Variants in VAV3 observed in about 807,000 individuals in gnomAD.
The protein encoded by VAV3 is guanine nucleotide exchange factor VAV3.
A neutral mutation model predicts 131.2 loss-of-function variants in VAV3; 94 were observed. That is an observed-to-expected ratio of 0.72 (90% CI 0.61 to 0.85). VAV3 has a LOEUF of 0.85. VAV3 is among the 40% of genes least tolerant of loss of function. The pLI is 0.00. For missense variants in VAV3, 939 were observed against 1,002.7 expected (o/e 0.94, Z 0.86); for synonymous variants, 349 against 342.0 (o/e 1.02, Z -0.22).
chr1:107,891,243 T>G (rs1671297974), intron 1 of VAV3, among the ~76,000 whole-genome samples: 1 of 152,210 alleles, frequency 6.6e-6, no homozygotes, highest in Non-Finnish European at 1.5e-5. Context: ...CGCCATTACA[T>G]TTCTGTGTCA....
intron 2 of VAV3, among the ~76,000 whole-genome samples, chr1:107,807,426 G>C (rs760133103): frequency 2.0e-5 from 3 of 152,132 alleles, no homozygotes; most frequent in Non-Finnish European, 4.4e-5. Flanking sequence ...ATTGGAAACA[G>C]GACTTTTAGA....
chr1:107,911,215 G>C (rs1252503232), intron 1 of VAV3, among the ~76,000 whole-genome samples: 2 of 152,068 alleles, frequency 1.3e-5, no homozygotes, highest in Admixed American at 1.3e-4. Flanking sequence ...AAAATACAAA[G>C]AAGCATAAAT....
At chr1:107,922,998 A>G (rs1672984927) in intron 1 of VAV3, among the ~76,000 whole-genome samples, 1 of 151,112 alleles carries the variant, frequency 6.6e-6, no homozygotes, top group Admixed American at 6.6e-5. Context: ...TTGATGAGTT[A>G]TCTCAGGTGT....
At chr1:107,859,781 A>T (rs1243841840) in intron 2 of VAV3, among the ~76,000 whole-genome samples, 1 of 152,224 alleles carries the variant, frequency 6.6e-6, no homozygotes, top group Non-Finnish European at 1.5e-5. Flanking sequence ...TCTTAGACTC[A>T]TGAAGACATG....
intron 1 of VAV3, among the ~76,000 whole-genome samples, chr1:107,887,824 A>C (rs1464303723): frequency 6.6e-6 from 1 of 152,058 alleles, no homozygotes; most frequent in Non-Finnish European, 1.5e-5. Flanking sequence ...CCTTACCCAA[A>C]CTAAATACAT....
intron 15 of VAV3, among the ~76,000 whole-genome samples, chr1:107,715,789 G>T (rs542463924): frequency 6.6e-6 from 1 of 152,136 alleles, no homozygotes; most frequent in Non-Finnish European, 1.5e-5. Flanking sequence ...AGAGAATTTG[G>T]ATTTTCTCAT....
intron 4 of VAV3, among the ~76,000 whole-genome samples, chr1:107,774,869 C>T (rs979983139): frequency 2.0e-5 from 3 of 151,310 alleles, no homozygotes; most frequent in Non-Finnish European, 2.9e-5. Context: ...ATCAAGCTGT[C>T]ACAGCAAACT....
chr1:107,933,814 C>CAAAA (rs11383512), intron 1 of VAV3, among the ~76,000 whole-genome samples: 51 of 119,150 alleles, frequency 4.3e-4, no homozygotes, highest in Non-Finnish European at 5.0e-4. Flanking sequence ...AGACCCTTCT[C>CAAAA]AAAAAAAAAA....
chr1:107,888,237 C>T (rs1671133750), intron 1 of VAV3, among the ~76,000 whole-genome samples: 1 of 152,126 alleles, frequency 6.6e-6, no homozygotes, highest in East Asian at 1.9e-4. Context: ...TGCAACATTC[C>T]CCACAAGTGA....
In VAV3 at chr1:107,955,697, C is replaced by G. The variant is rs1199602951; in HGVS notation, c.204+8969G>C. 2.7e-5 allele frequency among the ~76,000 whole-genome samples: 4 copies of G among 150,808 alleles called. No individual in the cohort carries two copies. The East Asian group carries it at 7.9e-4, about 30-fold the overall frequency. Reference sequence around the variant, plus strand: ...CAAGCAGACAAAAAGGTATATGCAACAGCACAGAGACATTTAACAGCATAG... The same window carrying G: ...CAAGCAGACAAAAAGGTATATGCAAGAGCACAGAGACATTTAACAGCATAG... On this transcript the variant is annotated intron_variant, in intron 1 of 26. Coordinates refer to ENST00000370056, the MANE Select transcript of VAV3 (RefSeq NM_006113.5).
intron 1 of VAV3, among the ~76,000 whole-genome samples, chr1:107,952,231 T>C (rs993474550): frequency 1.3e-5 from 2 of 151,858 alleles, no homozygotes; most frequent in Non-Finnish European, 2.9e-5. Context: ...ATGCCACATG[T>C]TCTCACTTAT....
intron 2 of VAV3, among the ~76,000 whole-genome samples, chr1:107,824,310 A>G (rs1251871086): frequency 6.6e-6 from 1 of 152,224 alleles, no homozygotes; most frequent in African/African-American, 2.4e-5. Context: ...AAATGAGAAT[A>G]AGGTGATAAC....
intron 2 of VAV3, among the ~76,000 whole-genome samples, chr1:107,874,005 G>A (rs1203178934): frequency 6.6e-6 from 1 of 152,144 alleles, no homozygotes. Context: ...ATATCTCAGA[G>A]TTAAAACAAT....
intron 2 of VAV3, among the ~76,000 whole-genome samples, chr1:107,861,261 C>G (rs1359546324): frequency 1.3e-5 from 2 of 151,576 alleles, no homozygotes; most frequent in Admixed American, 6.6e-5. Flanking sequence ...TCCAAGTAAA[C>G]AAAGCTAAAA....
chr1:107,892,191 G>A (rs1412090334), intron 1 of VAV3, among the ~76,000 whole-genome samples: 3 of 152,130 alleles, frequency 2.0e-5, no homozygotes, highest in African/African-American at 4.8e-5. Context: ...TTTAACCCAT[G>A]AGAGTCTTGG....
intron 1 of VAV3, among the ~76,000 whole-genome samples, chr1:107,947,188 A>T (rs1674311242): frequency 1.3e-5 from 2 of 152,256 alleles, no homozygotes; most frequent in South Asian, 4.1e-4. Context: ...TGTGGAATGC[A>T]GGTCTCCCAA....
chr1:107,713,999 C>T (rs896499230), intron 15 of VAV3, among the ~76,000 whole-genome samples: 2 of 152,052 alleles, frequency 1.3e-5, no homozygotes, highest in Non-Finnish European at 2.9e-5. Context: ...ACGTATCAGG[C>T]CTTATAATTT....
At chr1:107,909,720 G>A (rs1672278250) in intron 1 of VAV3, among the ~76,000 whole-genome samples, 1 of 152,120 alleles carries the variant, frequency 6.6e-6, no homozygotes, top group African/African-American at 2.4e-5. Flanking sequence ...CTTTGAGGTA[G>A]TTTGCAATGA....
chr1:107,586,767 T>C (rs1006129385), intron 25 of VAV3, among the ~76,000 whole-genome samples: 6 of 152,048 alleles, frequency 3.9e-5, no homozygotes, highest in African/African-American at 9.7e-5. Context: ...GGAGAGTATA[T>C]AGTATATTTA....
Sources: allele counts gnomAD v4.1 joint callset (sites outside exome capture counted in the v4.1 genomes callset), GRCh38; gene constraint gnomAD v4.1.1; transcripts MANE v1.5; gene names NCBI Gene and HGNC (gene_info 2026-07-23, HGNC 2026-07-21).